The following ARHGAP22 variants were observed in gnomAD, a reference collection of about 807,000 sequenced individuals.
The protein encoded by ARHGAP22 is rho GTPase-activating protein 22.
ARHGAP22 carries 48 observed loss-of-function variants against 59.1 expected under a neutral mutation model. The ratio of observed to expected loss-of-function variants is 0.81; its 90% CI spans 0.64 to 1.03. The LOEUF (loss-of-function observed/expected upper bound fraction) is 1.03. Ranked by LOEUF, ARHGAP22 falls within the 50% of genes least tolerant of loss-of-function variation. ARHGAP22 has a pLI of 0.00. For missense variants in ARHGAP22, 1,015 were observed against 958.7 expected (o/e 1.06, Z -0.78); for synonymous variants, 445 against 416.4 (o/e 1.07, Z -0.84).
chr10:48,639,138 G>A (rs1057103306), intron 1 of ARHGAP22, among the ~76,000 whole-genome samples: 1 of 152,214 alleles, frequency 6.6e-6, no homozygotes, highest in Non-Finnish European at 1.5e-5. Flanking sequence ...CACAGGTTCT[G>A]TCAGGGTGGG....
intron 3 of ARHGAP22, among the ~76,000 whole-genome samples, chr10:48,519,069 A>C (rs944439053): frequency 2.0e-5 from 3 of 152,180 alleles, no homozygotes; most frequent in Admixed American, 1.3e-4. Flanking sequence ...AGCAAGAAGC[A>C]TCAGAATGTG....
chr10:48,471,637 C>G (rs2048234876), intron 4 of ARHGAP22, among the ~76,000 whole-genome samples: 1 of 152,210 alleles, frequency 6.6e-6, no homozygotes, highest in African/African-American at 2.4e-5. Flanking sequence ...AGATGCCCAG[C>G]CAGACACCAT....
chr10:48,495,198 G>C (rs549557808), intron 3 of ARHGAP22, among the ~76,000 whole-genome samples: 2 of 152,328 alleles, frequency 1.3e-5, no homozygotes, highest in African/African-American at 4.8e-5. Context: ...TCAGGGTTCA[G>C]TGAATGGCAG....
intron 1 of ARHGAP22, among the ~76,000 whole-genome samples, chr10:48,638,883 C>A (rs1299704774): frequency 6.6e-6 from 1 of 152,098 alleles, no homozygotes; most frequent in African/African-American, 2.4e-5. Flanking sequence ...GGCAGGACTT[C>A]CAGCTATGGC....
intron 3 of ARHGAP22, among the ~76,000 whole-genome samples, chr10:48,541,351 C>A (rs973694974): frequency 6.6e-6 from 1 of 152,204 alleles, no homozygotes; most frequent in Non-Finnish European, 1.5e-5. Flanking sequence ...CTTTGTTCTG[C>A]GCTGGCACAA....
intron 3 of ARHGAP22, among the ~76,000 whole-genome samples, chr10:48,531,348 A>G (rs940394251): frequency 3.3e-5 from 5 of 152,242 alleles, no homozygotes; most frequent in African/African-American, 1.2e-4. Context: ...GGGTGCACCA[A>G]AATCTCAGAA....
At chr10:48,616,423 G>T (rs962075192) in intron 1 of ARHGAP22, among the ~76,000 whole-genome samples, 1 of 152,062 alleles carries the variant, frequency 6.6e-6, no homozygotes, top group African/African-American at 2.4e-5. Context: ...AGGAGAAGAA[G>T]AATATTTCAA....
At chr10:48,484,377 A>G (rs570518447) in intron 3 of ARHGAP22, among the ~76,000 whole-genome samples, 3 of 152,276 alleles carry the variant, frequency 2.0e-5, no homozygotes, top group African/African-American at 7.2e-5. Flanking sequence ...TCCCTTTTAT[A>G]TATTGTTGTT....
intron 2 of ARHGAP22, among the ~76,000 whole-genome samples, chr10:48,557,489 C>T (rs1253781370): frequency 1.3e-5 from 2 of 152,210 alleles, no homozygotes; most frequent in Admixed American, 6.5e-5. Context: ...GAGGGGTAGA[C>T]ACTACCATTC....
chr10:48,523,921 G>T, intron 3 of ARHGAP22: 1 of 632,252 alleles, frequency 1.6e-6, no homozygotes, highest in Non-Finnish European at 2.3e-6. Context: ...AGCAGCAGCC[G>T]CACCTGAGCC....
At chr10:48,474,355 T>A (rs972300841) in intron 4 of ARHGAP22, among the ~76,000 whole-genome samples, 1 of 152,232 alleles carries the variant, frequency 6.6e-6, no homozygotes, top group African/African-American at 2.4e-5. Context: ...TTGTACTTTC[T>A]GTACACAAGA....
intron 3 of ARHGAP22, 152 bp downstream of exon 3, chr10:48,555,311 A>G: frequency 1.5e-6 from 1 of 657,144 alleles, no homozygotes; most frequent in Non-Finnish European, 2.7e-6. Context: ...CCATGTGAGT[A>G]TGCTGTCGAT....
intron 3 of ARHGAP22, among the ~76,000 whole-genome samples, chr10:48,530,322 A>T (rs2054720269): frequency 6.6e-6 from 1 of 152,012 alleles, no homozygotes. Flanking sequence ...ATTCTAGAAG[A>T]TAACATTGGA....
At chr10:48,646,778 A>G (rs2062319089) in intron 1 of ARHGAP22, among the ~76,000 whole-genome samples, 1 of 152,178 alleles carries the variant, frequency 6.6e-6, no homozygotes, top group African/African-American at 2.4e-5. Flanking sequence ...AAACCATACA[A>G]CTTCTAGAAA....
intron 2 of ARHGAP22, among the ~76,000 whole-genome samples, chr10:48,560,618 T>C (rs2057625685): frequency 6.6e-6 from 1 of 152,154 alleles, no homozygotes; most frequent in African/African-American, 2.4e-5. Context: ...CACCATAAAG[T>C]ATGATATTAG....
intron 3 of ARHGAP22, among the ~76,000 whole-genome samples, chr10:48,505,573 G>C (rs2052025348): frequency 6.6e-6 from 1 of 152,000 alleles, no homozygotes; most frequent in Non-Finnish European, 1.5e-5. Flanking sequence ...AAACCTCCCA[G>C]AGCCAGGCTG....
intron 1 of ARHGAP22, among the ~76,000 whole-genome samples, chr10:48,595,026 A>G (rs2059983337): frequency 6.6e-6 from 1 of 152,158 alleles, no homozygotes; most frequent in South Asian, 2.1e-4. Context: ...AGACTGTGGC[A>G]GCCTTTGAAT....
At chr10:48,474,951 C>CT (rs1222686619) in intron 4 of ARHGAP22, among the ~76,000 whole-genome samples, 4 of 152,202 alleles carry the variant, frequency 2.6e-5, no homozygotes, top group African/African-American at 9.7e-5. Context: ...TGCAATGATG[C>CT]TTTGTCTTCC....
chr10:48,452,821 A>G (rs2046112574), intron 8 of ARHGAP22, among the ~76,000 whole-genome samples: 1 of 152,214 alleles, frequency 6.6e-6, no homozygotes. Context: ...ATACAAACAA[A>G]GCACTTGGTA....
Sources: allele counts gnomAD v4.1 joint callset (sites outside exome capture counted in the v4.1 genomes callset), GRCh38; gene constraint gnomAD v4.1.1; transcripts MANE v1.5; gene names NCBI Gene and HGNC (gene_info 2026-07-23, HGNC 2026-07-21).